The following PKHD1 variants were observed in gnomAD, a reference collection of about 807,000 sequenced individuals.
PKHD1 encodes PKHD1 ciliary IPT domain containing fibrocystin/polyductin.
Under a neutral mutation model 412.0 loss-of-function variants are expected in PKHD1, and 291 were observed. The observed-to-expected ratio is 0.71, with a 90% CI of 0.64 to 0.78. The LOEUF (loss-of-function observed/expected upper bound fraction) is 0.78. PKHD1 is among the 30% of genes least tolerant of loss of function. PKHD1 has a pLI of 0.00. For synonymous variants in PKHD1, 1,777 were observed against 1,821.5 expected, an observed-to-expected ratio of 0.98 and a Z score of 0.62; for missense variants, 4,825 against 4,950.7, an observed-to-expected ratio of 0.97 and a Z score of 0.76.
At chr6:51,676,924 G>A (rs1336286720) in intron 60 of PKHD1, among the ~76,000 whole-genome samples, 1 of 152,092 alleles carries the variant, frequency 6.6e-6, no homozygotes. Context: ...TAAGGTGAAG[G>A]CATATTGAGA....
At chr6:51,926,487 A>G (rs1785648837) in intron 37 of PKHD1, among the ~76,000 whole-genome samples, 2 of 152,194 alleles carry the variant, frequency 1.3e-5, no homozygotes, top group Non-Finnish European at 2.9e-5. Flanking sequence ...TCAAGTATAT[A>G]TAGAAACTTG....
intron 31 of PKHD1, among the ~76,000 whole-genome samples, chr6:52,026,432 T>C (rs1442808304): frequency 6.6e-6 from 1 of 152,192 alleles, no homozygotes; most frequent in African/African-American, 2.4e-5. Flanking sequence ...CACAAACTTT[T>C]CAAGTACCTT....
chr6:52,006,708 G>T (rs557522048), intron 35 of PKHD1, among the ~76,000 whole-genome samples: 3 of 151,964 alleles, frequency 2.0e-5, no homozygotes, highest in Admixed American at 2.0e-4. Context: ...TTTTATTTCC[G>T]TAGGTTTTGG....
At chr6:51,872,805 C>G (rs1236208649) in intron 46 of PKHD1, among the ~76,000 whole-genome samples, 1 of 151,426 alleles carries the variant, frequency 6.6e-6, no homozygotes, top group Non-Finnish European at 1.5e-5. Flanking sequence ...AACCTGGTAT[C>G]CTGTAACCAA....
intron 27 of PKHD1, among the ~76,000 whole-genome samples, chr6:52,039,321 G>C (rs942524213): frequency 1.4e-5 from 2 of 142,730 alleles, no homozygotes; most frequent in Non-Finnish European, 3.1e-5. Context: ...GAAGGATCCT[G>C]GTGGGAGATG....
chr6:51,833,661 G>C lies in PKHD1; in HGVS notation c.8174-2672C>G, dbSNP rs551571183. Among the ~76,000 whole-genome samples, 14 of 152,240 alleles carry C rather than the reference G, an allele frequency of 9.2e-5. No homozygotes were observed. The East Asian group carries it at 2.3e-3, about 25-fold the overall frequency. ...AGAGTTCTGGTAAGAGAGAGAATTA[G>C]AAGTCACTGTTAAACTTAGCAATCA... On this transcript the variant is annotated intron_variant, in intron 51 of 66. Transcript: ENST00000371117.
chr6:51,644,049 A>G (rs916232481), intron 63 of PKHD1, among the ~76,000 whole-genome samples: 1 of 152,226 alleles, frequency 6.6e-6, no homozygotes, highest in Non-Finnish European at 1.5e-5. Context: ...CAAGCTTTAA[A>G]AAGTAAGGGT....
At chr6:51,903,861 T>TATA (rs1781672753) in intron 42 of PKHD1, 125 bp downstream of exon 42, 13 of 363,908 alleles carry the variant, frequency 3.6e-5, no homozygotes, top group African/African-American at 1.0e-4. Context: ...ATATATATAT[T>TATA]TAGAAAATAT....
chr6:51,895,537 A>G (rs1293776539), intron 43 of PKHD1, among the ~76,000 whole-genome samples: 1 of 152,208 alleles, frequency 6.6e-6, no homozygotes, highest in East Asian at 1.9e-4. Flanking sequence ...TAATTTGGTT[A>G]TAGGTTTATA....
intron 5 of PKHD1, 140 bp from the exon 6 acceptor site, chr6:52,076,473 T>C (rs1811345888): frequency 1.4e-6 from 1 of 704,738 alleles, no homozygotes; most frequent in Non-Finnish European, 2.6e-6. Flanking sequence ...ATCTGTCTAG[T>C]TCTTTTTATC....
intron 35 of PKHD1, among the ~76,000 whole-genome samples, chr6:51,982,890 T>TA (rs761826670): frequency 2.7e-5 from 1 of 37,578 alleles, no homozygotes; most frequent in Non-Finnish European, 1.0e-4. Flanking sequence ...TAAAATAAAA[T>TA]AAAAAAAAGA....
chr6:51,911,806 A>G lies in PKHD1; in HGVS notation c.6483T>C (p.Ala2161=). Residue 2161 remains alanine, a synonymous_variant, in exon 39 of 67, where the codon GCT becomes GCC. Transcript: ENST00000371117. ...AACAAAACACTCTTCTACCTTCTGG[A>G]GCATTGGCCTCCTGGCATGAAACAA... The part of the protein sequence containing the change: ...KLLVSCQEAN[A]PEGNLQHCLY... 6.2e-7 allele frequency: 1 copy of G among 1,612,508 alleles called. No homozygotes were observed. Among genetic ancestry groups the G allele is most frequent in the Non-Finnish European group, 8.5e-7 (1 of 1,178,822 alleles).
intron 60 of PKHD1, among the ~76,000 whole-genome samples, chr6:51,680,251 C>T (rs1776463225): frequency 6.6e-6 from 1 of 151,844 alleles, no homozygotes; most frequent in Non-Finnish European, 1.5e-5. Flanking sequence ...AAATTTAAAA[C>T]TTTTTGGGGA....
At chr6:51,821,205 C>T (rs1036319309) in intron 52 of PKHD1, among the ~76,000 whole-genome samples, 2 of 152,108 alleles carry the variant, frequency 1.3e-5, no homozygotes, top group African/African-American at 4.8e-5. Flanking sequence ...GCATTTTAAT[C>T]AGGGGAAATT....
At chr6:51,954,741 G>T (rs998556250) in intron 36 of PKHD1, among the ~76,000 whole-genome samples, 2 of 74,404 alleles carry the variant, frequency 2.7e-5, no homozygotes, top group African/African-American at 6.1e-5. Context: ...ACCTTCTTTT[G>T]TGTTGTGTGT....
intron 4 of PKHD1, among the ~76,000 whole-genome samples, chr6:52,081,562 CAA>C (rs34967266): frequency 0.39 from 58,277 of 149,982 alleles, 12,589 homozygotes; most frequent in Admixed American, 0.53. Flanking sequence ...GTGTAAATTA[CAA>C]AAAAAAAAAA....
chr6:51,668,838 T>C (rs1481341429), intron 60 of PKHD1, among the ~76,000 whole-genome samples: 1 of 152,240 alleles, frequency 6.6e-6, no homozygotes, highest in Non-Finnish European at 1.5e-5. Context: ...GTTTATATGC[T>C]GGATTACATT....
In PKHD1 at chr6:51,696,579, T is replaced by C. The variant is rs1298936296; in HGVS notation, c.10157-36610A>G. ...CTTACCCTACTGTTTTCTATCTCAT[T>C]ATAAAGAGTTTATTTTCAGAACAGA... On this transcript the variant is annotated intron_variant, in intron 60 of 66. Transcript: ENST00000371117. Among the ~76,000 whole-genome samples, 28 of 152,134 alleles carry C rather than the reference T, an allele frequency of 1.8e-4. 1 individual carries two copies.
chr6:51,626,237 C>T (rs773588445), intron 66 of PKHD1, among the ~76,000 whole-genome samples: 4 of 152,050 alleles, frequency 2.6e-5, no homozygotes, highest in African/African-American at 4.8e-5. Context: ...GATTGGTAAG[C>T]CTTTTCAAGC....
Sources: gnomAD v4.1 joint callset for allele counts (sites outside exome capture counted in the v4.1 genomes callset) on GRCh38, gnomAD v4.1.1 for gene constraint, MANE v1.5 for transcripts, NCBI Gene and HGNC (gene_info 2026-07-23, HGNC 2026-07-21) for gene names.